PCDH9: variants seen among roughly 807,000 people sequenced by gnomAD.
PCDH9 encodes the protein protocadherin-9.
A neutral mutation model predicts 70.6 loss-of-function variants in PCDH9; 24 were observed. The observed-to-expected ratio is 0.34, with a 90% CI of 0.25 to 0.48. The LOEUF (loss-of-function observed/expected upper bound fraction) is 0.48. Ranked by LOEUF, PCDH9 falls within the 20% of genes least tolerant of loss-of-function variation. The pLI is 0.99. For missense variants in PCDH9, 1,281 were observed against 1,503.6 expected (o/e 0.85, Z 2.45); for synonymous variants, 562 against 558.5 (o/e 1.01, Z -0.09).
At chr13:67,032,252 T>C (rs1056116353) in intron 2 of PCDH9, among the ~76,000 whole-genome samples, 6 of 152,030 alleles carry the variant, frequency 3.9e-5, no homozygotes, top group Admixed American at 3.3e-4. Flanking sequence ...CAAGCCATCT[T>C]CCCACCTCAA....
intron 2 of PCDH9, among the ~76,000 whole-genome samples, chr13:66,998,892 ATAT>A (rs2084178542): frequency 6.6e-6 from 1 of 152,356 alleles, no homozygotes; most frequent in Middle Eastern, 3.4e-3. Flanking sequence ...ACAAAATGTC[ATAT>A]TATTAAGGCT....
chr13:66,520,678 A>C (rs562731679), intron 4 of PCDH9, among the ~76,000 whole-genome samples: 23 of 152,274 alleles, frequency 1.5e-4, no homozygotes, highest in Non-Finnish European at 2.9e-4. Context: ...GACTTTATTT[A>C]TGCCTCAGGG....
intron 4 of PCDH9, among the ~76,000 whole-genome samples, chr13:66,390,886 T>G (rs543313672): frequency 6.6e-6 from 1 of 152,290 alleles, no homozygotes; most frequent in Non-Finnish European, 1.5e-5. Flanking sequence ...ATCAATCCGT[T>G]GATATAGAGT....
chr13:66,855,970 A>C (rs2081388367), intron 3 of PCDH9, among the ~76,000 whole-genome samples: 1 of 152,000 alleles, frequency 6.6e-6, no homozygotes, highest in African/African-American at 2.4e-5. Context: ...ATCTCAAAAA[A>C]ATTATGAACA....
intron 3 of PCDH9, among the ~76,000 whole-genome samples, chr13:66,838,947 G>A (rs1225328079): frequency 6.6e-6 from 1 of 151,914 alleles, no homozygotes; most frequent in Non-Finnish European, 1.5e-5. Context: ...TTTTGAACTA[G>A]TGCAAAGAAA....
chr13:66,544,307 T>C (rs1021209543), intron 4 of PCDH9, among the ~76,000 whole-genome samples: 1 of 152,182 alleles, frequency 6.6e-6, no homozygotes, highest in Admixed American at 6.5e-5. Context: ...CAATGTTGAC[T>C]AAGGACATGC....
chr13:66,853,779 CACCCAGACTGG>C (rs946863126), intron 3 of PCDH9, among the ~76,000 whole-genome samples: 1 of 151,508 alleles, frequency 6.6e-6, no homozygotes, highest in Non-Finnish European at 1.5e-5. Context: ...CTTGCTATAT[CACCCAGACTGG>C]ACTTGAACTC....
At chr13:66,377,269 G>T (rs1379950561) in intron 4 of PCDH9, among the ~76,000 whole-genome samples, 1 of 152,070 alleles carries the variant, frequency 6.6e-6, no homozygotes, top group East Asian at 1.9e-4. Flanking sequence ...ATCTTAGAAG[G>T]ATCAGAAGCA....
intron 2 of PCDH9, among the ~76,000 whole-genome samples, chr13:67,098,722 A>G (rs1016366512): frequency 1.3e-5 from 2 of 152,178 alleles, no homozygotes; most frequent in Non-Finnish European, 1.5e-5. Flanking sequence ...CAAATAAAGA[A>G]TAATGCAAAA....
intron 2 of PCDH9, among the ~76,000 whole-genome samples, chr13:67,055,624 T>C (rs1364500110): frequency 1.6e-5 from 2 of 125,340 alleles, no homozygotes; most frequent in East Asian, 2.4e-4. Context: ...CTAGGCAACA[T>C]AGCAAGACTG....
chr13:66,474,249 C>T (rs1345369253), intron 4 of PCDH9, among the ~76,000 whole-genome samples: 1 of 152,174 alleles, frequency 6.6e-6, no homozygotes, highest in African/African-American at 2.4e-5. Flanking sequence ...CCATGGCACA[C>T]AGAACACAAA....
chr13:66,560,760 G>C (rs1349107875), intron 4 of PCDH9, among the ~76,000 whole-genome samples: 1 of 152,172 alleles, frequency 6.6e-6, no homozygotes, highest in Admixed American at 6.5e-5. Context: ...ATACCTCTTT[G>C]ATTTCAGGCC....
intron 2 of PCDH9, among the ~76,000 whole-genome samples, chr13:67,068,352 C>T (rs928654459): frequency 6.6e-6 from 1 of 151,796 alleles, no homozygotes; most frequent in African/African-American, 2.4e-5. Flanking sequence ...CAAAAGTTAG[C>T]TTTGCATGAC....
chr13:66,622,103 C>T (rs189457217), intron 4 of PCDH9, among the ~76,000 whole-genome samples: 1,851 of 152,352 alleles, frequency 0.012, 35 homozygotes, highest in African/African-American at 0.042. Context: ...CCAGCGGCTG[C>T]AGAGTGTGTA....
intron 4 of PCDH9, among the ~76,000 whole-genome samples, chr13:66,547,904 TAATAATATATTTAATCATATTATATAATA>T (rs1961281880): frequency 1.2e-5 from 1 of 81,560 alleles, no homozygotes; most frequent in African/African-American, 3.9e-5. Flanking sequence ...TATTATTATA[TAATAATATATTTAATCATATTATATAATA>T]ATATATATAT....
At chr13:66,439,247 G>A (rs1334393) in intron 4 of PCDH9, among the ~76,000 whole-genome samples, 142,097 of 152,220 alleles carry the variant, frequency 0.93, 66,753 homozygotes, top group Non-Finnish European at 0.98. Context: ...TGAGATGGCC[G>A]CTTCTCATCT....
At chr13:66,793,834 A>G (rs1205683741) in intron 3 of PCDH9, among the ~76,000 whole-genome samples, 3 of 152,188 alleles carry the variant, frequency 2.0e-5, no homozygotes, top group South Asian at 2.1e-4. Context: ...AAGCAAGTAG[A>G]TTAAATGTTA....
Position 66,305,028 on chromosome 13 carries a change from T to A in PCDH9, c.3341A>T (p.Asp1114Val). 1 of 1,606,576 alleles carries A rather than the reference T, an allele frequency of 6.2e-7. No homozygotes were observed. The highest frequency in any genetic ancestry group is 1.1e-5 in the South Asian group (1 of 90,712). ...EADGNSDPNS[D>V]GPLGPRGLAE... ...TAATCCTCGGGGACCCAAAGGCCCA[T>A]CTGCAGAAGACAAGAGAGAGAAAAT... Residue 1114 changes from aspartate (D) to valine (V), a missense_variant and splice_region_variant, in exon 5 of 5, where the codon GAT becomes GTT. Transcript: ENST00000377865.
chr13:66,542,956 T>C (rs1593649310), intron 4 of PCDH9, among the ~76,000 whole-genome samples: 1 of 151,532 alleles, frequency 6.6e-6, no homozygotes, highest in Non-Finnish European at 1.5e-5. Flanking sequence ...TTTATAACTT[T>C]CAAATTAATA....
Sources: allele counts gnomAD v4.1 joint callset (sites outside exome capture counted in the v4.1 genomes callset), GRCh38; gene constraint gnomAD v4.1.1; transcripts MANE v1.5; gene names NCBI Gene and HGNC (gene_info 2026-07-23, HGNC 2026-07-21).